Variants in COL23A1 observed in about 807,000 individuals in gnomAD.
COL23A1 encodes the protein collagen alpha-1(XXIII) chain.
COL23A1 carries 97 observed loss-of-function variants against 99.3 expected under a neutral mutation model. The observed-to-expected ratio is 0.98, with a 90% CI of 0.83 to 1.16. COL23A1 has a LOEUF of 1.16. Among genes scored for constraint, COL23A1 ranks in the 50% most tolerant of loss-of-function variants. The pLI, the probability that COL23A1 is intolerant of heterozygous loss-of-function variation, is 0.00. For missense variants in COL23A1, 762 were observed against 757.4 expected (o/e 1.01, Z -0.07); for synonymous variants, 320 against 308.2 (o/e 1.04, Z -0.40).
chr5:178,544,767 G>A lies in COL23A1; in HGVS notation c.361+15915C>T, dbSNP rs1401426638. 6.6e-6 allele frequency among the ~76,000 whole-genome samples: 1 copy of A among 152,154 alleles called. No homozygotes were observed. Among genetic ancestry groups the A allele is most frequent in the Non-Finnish European group, 1.5e-5 (1 of 68,026 alleles). On this transcript the variant is annotated intron_variant, in intron 2 of 28. Coordinates refer to ENST00000390654, the MANE Select transcript of COL23A1 (RefSeq NM_173465.4). This position sits in a 1 kb window ranked among gnomAD's most constrained non-coding sequence, Gnocchi z 4.4. ...CACCTGCTGCCCCCGTGCCACTGGG[G>A]TAGTACGTTCGGGCCAGACGTGGTG...
At chr5:178,577,208 C>G (rs1002116687) in intron 1 of COL23A1, among the ~76,000 whole-genome samples, 2 of 152,182 alleles carry the variant, frequency 1.3e-5, no homozygotes, top group South Asian at 4.1e-4. Flanking sequence ...CGCGGCGCGC[C>G]GTTCATTCCC....
intron 2 of COL23A1, among the ~76,000 whole-genome samples, chr5:178,556,505 C>T (rs1762280429): frequency 6.6e-6 from 1 of 151,412 alleles, no homozygotes; most frequent in Non-Finnish European, 1.5e-5. Context: ...CATCTGTAGT[C>T]CCAGCTACTT....
intron 2 of COL23A1, among the ~76,000 whole-genome samples, chr5:178,419,867 C>T (rs965297141): frequency 6.6e-5 from 10 of 152,178 alleles, no homozygotes; most frequent in East Asian, 1.9e-4. Flanking sequence ...ATAAGGCAAA[C>T]GCCGAGCTGT....
chr5:178,242,664 T>G (rs1764471039), intron 25 of COL23A1, among the ~76,000 whole-genome samples: 1 of 152,204 alleles, frequency 6.6e-6, no homozygotes, highest in African/African-American at 2.4e-5. Flanking sequence ...AGGGGCTGTC[T>G]CTCACATCAC....
chr5:178,562,453 G>C (rs1415320486), intron 1 of COL23A1: 1 of 156,620 alleles, frequency 6.4e-6, no homozygotes, highest in Non-Finnish European at 1.4e-5. Flanking sequence ...TACCCCAGAG[G>C]CTGAGGCAGG....
At chr5:178,256,309 C>T in intron 15 of COL23A1, 44 bp downstream of exon 15, 1 of 1,518,878 alleles carries the variant, frequency 6.6e-7, no homozygotes, top group Non-Finnish European at 8.9e-7. Flanking sequence ...TATGGGGCCC[C>T]TAGATCTCAT....
chr5:178,319,518 AGGCCTGG>A (rs1314364369), intron 2 of COL23A1, among the ~76,000 whole-genome samples: 1 of 152,168 alleles, frequency 6.6e-6, no homozygotes, highest in African/African-American at 2.4e-5. Flanking sequence ...TGGGCAGGTG[AGGCCTGG>A]GGCATGGCCG....
chr5:178,244,848 G>C (rs1764584591), intron 25 of COL23A1, among the ~76,000 whole-genome samples: 1 of 152,204 alleles, frequency 6.6e-6, no homozygotes, highest in African/African-American at 2.4e-5. Flanking sequence ...TACTGCTCTA[G>C]CTAAAGCCCT....
chr5:178,256,494 A>T, intron 14 of COL23A1, 97 bp from the exon 15 acceptor site: 1 of 1,197,984 alleles, frequency 8.3e-7, no homozygotes, highest in Non-Finnish European at 1.1e-6. Flanking sequence ...AGGAGGGCCC[A>T]GGGCCCGAGT....
At chr5:178,251,437 A>G (rs2127538840) in intron 17 of COL23A1, among the ~76,000 whole-genome samples, 1 of 152,362 alleles carries the variant, frequency 6.6e-6, no homozygotes, top group African/African-American at 2.4e-5. Flanking sequence ...GTATTTCTAA[A>G]TCCCCAAGTA....
intron 2 of COL23A1, among the ~76,000 whole-genome samples, chr5:178,538,749 A>G (rs1761117947): frequency 6.6e-6 from 1 of 152,258 alleles, no homozygotes; most frequent in African/African-American, 2.4e-5. Context: ...AAATGAAAAC[A>G]TATGTTCCCA....
intron 2 of COL23A1, among the ~76,000 whole-genome samples, chr5:178,383,924 A>G (rs1453211008): frequency 1.3e-5 from 2 of 152,182 alleles, no homozygotes; most frequent in African/African-American, 4.8e-5. Flanking sequence ...TCAGAAAAAG[A>G]TAGACATGAA....
rs539499363 is a variant in COL23A1, at chr5:178,321,524, C to T, written c.362-14605G>A. ...TTTTTTTTGGAGATGCAGTCTCGCTCTGTTGCCCAGGCTGGAGTGCAGTGG... is the reference window on the plus strand; with the variant it reads ...TTTTTTTTGGAGATGCAGTCTCGCTTTGTTGCCCAGGCTGGAGTGCAGTGG... On this transcript the variant is annotated intron_variant, in intron 2 of 28. Coordinates refer to ENST00000390654, the MANE Select transcript of COL23A1 (RefSeq NM_173465.4). 1.1e-4 allele frequency among the ~76,000 whole-genome samples: 14 copies of T among 126,282 alleles called. No individual in the cohort carries two copies. In the East Asian group the frequency reaches 3.3e-3, roughly 29 times the overall value. 82.8% of individuals were successfully genotyped at this position (126,282 alleles called of 152,430 possible). A position where few individuals can be genotyped will look rare whatever the true frequency, so the allele number is the denominator to read the frequency against.
intron 2 of COL23A1, among the ~76,000 whole-genome samples, chr5:178,314,949 TC>T (rs1758900424): frequency 6.6e-6 from 1 of 152,194 alleles, no homozygotes; most frequent in Admixed American, 6.5e-5. Context: ...TCCACGGTTT[TC>T]ATAACCTCTT....
At chr5:178,358,332 ATGTC>A (rs1184846714) in intron 2 of COL23A1, among the ~76,000 whole-genome samples, 40 of 138,144 alleles carry the variant, frequency 2.9e-4, no homozygotes, top group East Asian at 1.4e-3. Flanking sequence ...ATGTGTATGT[ATGTC>A]TAATGTGTGT....
At chr5:178,445,289 G>A (rs569213956) in intron 2 of COL23A1, among the ~76,000 whole-genome samples, 1 of 152,080 alleles carries the variant, frequency 6.6e-6, no homozygotes, top group Non-Finnish European at 1.5e-5. Context: ...ACTGGGGTCT[G>A]TTTCAGACAT....
At chr5:178,257,428 G>T (rs1219282231) in intron 13 of COL23A1, 95 bp downstream of exon 13, 1 of 1,414,896 alleles carries the variant, frequency 7.1e-7, no homozygotes, top group Non-Finnish European at 9.8e-7. Context: ...CTAGGAACCC[G>T]TGGTGCCAAA....
chr5:178,245,814 C>G, intron 25 of COL23A1, 128 bp downstream of exon 25: 1 of 1,067,620 alleles, frequency 9.4e-7, no homozygotes, highest in South Asian at 1.4e-5. Context: ...ACAGGGGGAA[C>G]CAGTCAGTTG....
At chr5:178,328,296 C>G (rs1256918155) in intron 2 of COL23A1, among the ~76,000 whole-genome samples, 1 of 152,196 alleles carries the variant, frequency 6.6e-6, no homozygotes, top group South Asian at 2.1e-4. Context: ...CTGGGCCTCC[C>G]TTCCCCCAGG....
Sources: gnomAD v4.1 joint callset for allele counts (sites outside exome capture counted in the v4.1 genomes callset) on GRCh38, gnomAD v4.1.1 for gene constraint, Gnocchi (gnomAD v3.1) non-coding constraint, MANE v1.5 for transcripts, NCBI Gene and HGNC (gene_info 2026-07-23, HGNC 2026-07-21) for gene names.